The following GPR65 variants were observed in gnomAD, a reference collection of about 807,000 sequenced individuals.
GPR65 encodes the protein G protein-coupled receptor 65.
GPR65 carries 2 observed loss-of-function variants against 0.7 expected under a neutral mutation model. The ratio of observed to expected loss-of-function variants is 2.83; its 90% CI spans 1.16 to 8.92. The LOEUF is 8.92. Ranked by LOEUF, GPR65 falls within the 30% of genes most tolerant of loss-of-function variation. The probability of loss-of-function intolerance (pLI) is 0.04; values close to 1 mark genes in which losing one functional copy is unlikely to be tolerated. For missense variants in GPR65, 379 were observed against 399.4 expected (o/e 0.95, Z 0.43); for synonymous variants, 128 against 146.5 (o/e 0.87, Z 0.91).
chr14:88,011,499 A>G lies in GPR65; in HGVS notation c.652A>G (p.Asn218Asp). 3 of 1,614,130 alleles carry G rather than the reference A, an allele frequency of 1.9e-6. No individual in the cohort carries two copies. Among genetic ancestry groups the G allele is most frequent in the Admixed American group, 3.3e-5 (2 of 59,996 alleles). Residue 218 changes from asparagine to aspartate, a missense_variant, in exon 2 of 2, where the codon AAC becomes GAC. Coordinates refer to ENST00000267549, the MANE Select transcript of GPR65 (RefSeq NM_003608.4). ...TGTGCGGCACAATAAAGCCACGGAA[A>G]ACAAGGAAAAGAAGAGAATCATAAA... The part of the protein sequence containing the change: ...QAVRHNKATE[N>D]KEKKRIIKLL...
intron 1 of GPR65, among the ~76,000 whole-genome samples, chr14:88,007,404 A>G (rs1887609643): frequency 1.3e-5 from 2 of 151,534 alleles, no homozygotes; most frequent in South Asian, 2.1e-4. Context: ...CCTTTTCTCC[A>G]TATCTCTTAT....
At position 88,013,563 on chromosome 14, in the gene GPR65, C is replaced by T. The variant is rs1463272749; in HGVS notation, c.*1702C>T. ...ATGTCTTGATAACATGAGGTGCCCTCACATTAAAAAACAAAATATTGAGCC... is the reference window on the plus strand; with the variant it reads ...ATGTCTTGATAACATGAGGTGCCCTTACATTAAAAAACAAAATATTGAGCC... On this transcript the variant is annotated 3_prime_UTR_variant, in exon 2 of 2. Coordinates refer to ENST00000267549, the MANE Select transcript of GPR65 (RefSeq NM_003608.4). The T allele has an allele frequency of 6.6e-6, 1 of 152,120 alleles. No individual in the cohort carries two copies. Among genetic ancestry groups the T allele is most frequent in the Non-Finnish European group, 1.5e-5 (1 of 68,054 alleles). The allele number at this position is 152,120 out of a possible 1,614,324, so 9.4% of individuals were successfully genotyped here. A position where few individuals can be genotyped will look rare whatever the true frequency, so the allele number is the denominator to read the frequency against.
rs764814556 is a variant in GPR65, at chr14:88,011,588, G to T, written c.741G>T (p.Leu247=). The T allele has an allele frequency of 1.2e-6, 2 of 1,614,062 alleles. No individual in the cohort carries two copies. The highest frequency in any genetic ancestry group is 1.7e-6 in the Non-Finnish European group (2 of 1,179,978). ...LCFTPFHVML[L]IRCILEHAVN... is the part of the protein sequence containing the mutation. ...TTACTCCCTTTCATGTGATGTTGCT[G>T]ATTCGCTGCATTTTAGAGCATGCTG... is the stretch of plus-strand genomic sequence containing the variant. The change falls in exon 2 of 2, where the codon CTG becomes CTT. Residue 247 remains leucine, a synonymous_variant. Coordinates refer to ENST00000267549, the MANE Select transcript of GPR65 (RefSeq NM_003608.4).
At chr14:88,006,545 A>G (rs1252495712) in intron 1 of GPR65, among the ~76,000 whole-genome samples, 1 of 152,242 alleles carries the variant, frequency 6.6e-6, no homozygotes, top group Non-Finnish European at 1.5e-5. Context: ...ATGCTTTTAC[A>G]GCTAGAGAAA....
At position 88,010,809 on chromosome 14, in the gene GPR65, T is replaced by G; in HGVS notation, c.-39T>G. 1 of 1,394,318 alleles carries G rather than the reference T, an allele frequency of 7.2e-7. No individual in the cohort carries two copies. The highest frequency in any genetic ancestry group is 2.3e-5 in the East Asian group (1 of 43,442). The allele number at this position is 1,394,318 out of a possible 1,614,324, so 86.4% of individuals were successfully genotyped here. ...AGAGACAAGACTTCTCTGTTTACTTTCTAAGAACTAATATAATTGCTACCT... is the reference window on the plus strand; with the variant it reads ...AGAGACAAGACTTCTCTGTTTACTTGCTAAGAACTAATATAATTGCTACCT... On this transcript the variant is annotated 5_prime_UTR_variant, in exon 2 of 2. Transcript: ENST00000267549.
Position 88,011,133 on chromosome 14 carries a change from A to G in GPR65, c.286A>G (p.Met96Val), listed in dbSNP as rs756852546. 5.0e-6 allele frequency: 8 copies of G among 1,613,870 alleles called. No individual in the cohort carries two copies. The highest frequency in any genetic ancestry group is 2.7e-5 in the African/African-American group (2 of 74,906). The part of the protein sequence containing the change: ...LCKGSAFLMY[M>V]NFYSSTAFLT... Reference sequence around the variant, plus strand: ...CAAAGGGAGTGCTTTTCTCATGTACATGAATTTTTACAGCAGCACAGCATT... The same window carrying G: ...CAAAGGGAGTGCTTTTCTCATGTACGTGAATTTTTACAGCAGCACAGCATT... Residue 96 changes from methionine (M) to valine (V), a missense_variant, in exon 2 of 2, where the codon ATG becomes GTG. By Grantham distance (21) the Met-to-Val change is conservative. Coordinates refer to ENST00000267549, the MANE Select transcript of GPR65 (RefSeq NM_003608.4).
chr14:88,011,453 C>T lies in GPR65; in HGVS notation c.606C>T (p.Cys202=), dbSNP rs1055468. 90 of 1,613,972 alleles carry T rather than the reference C, an allele frequency of 5.6e-5. No homozygotes were observed. The highest frequency in any genetic ancestry group is 7.5e-5 in the Non-Finnish European group (88 of 1,179,996). The change falls in exon 2 of 2, where the codon TGC becomes TGT. Residue 202 remains cysteine (C), a synonymous_variant. Coordinates refer to ENST00000267549, the MANE Select transcript of GPR65 (RefSeq NM_003608.4). The part of the protein sequence containing the change: ...YAIPLVTILI[C]NRKVYQAVRH... ...TACCTTTGGTCACCATCCTGATCTG[C>T]AACCGGAAAGTCTACCAAGCTGTGC...
chr14:88,006,023 G>A (rs1468910152), intron 1 of GPR65, among the ~76,000 whole-genome samples: 1 of 152,132 alleles, frequency 6.6e-6, no homozygotes, highest in African/African-American at 2.4e-5. Context: ...ATTATATACA[G>A]TATTCCACTA....
chr14:88,011,534 C>G lies in GPR65; in HGVS notation c.687C>G (p.Val229=). 1 of 1,613,646 alleles carries G rather than the reference C, an allele frequency of 6.2e-7. No individual in the cohort carries two copies. Among genetic ancestry groups the G allele is most frequent in the Non-Finnish European group, 8.5e-7 (1 of 1,179,610 alleles). Residue 229 remains valine (V), a synonymous_variant, in exon 2 of 2, where the codon GTC becomes GTG. Transcript: ENST00000267549. ...KEKKRIIKLL[V]SITVTFVLCF... ...AGAAGAGAATCATAAAACTACTTGT[C>G]AGCATCACAGTTACTTTTGTCTTAT...
In GPR65 at chr14:88,011,548, C is replaced by T; in HGVS notation, c.701C>T (p.Thr234Ile). ...IIKLLVSITVTFVLCFTPFHV... is the reference protein window; with the variant it reads ...IIKLLVSITVIFVLCFTPFHV... ...AAACTACTTGTCAGCATCACAGTTACTTTTGTCTTATGCTTTACTCCCTTT... is the reference window on the plus strand; with the variant it reads ...AAACTACTTGTCAGCATCACAGTTATTTTTGTCTTATGCTTTACTCCCTTT... The change falls in exon 2 of 2, where the codon ACT becomes ATT. Residue 234 changes from threonine to isoleucine, a missense_variant. Coordinates refer to ENST00000267549, the MANE Select transcript of GPR65 (RefSeq NM_003608.4). 1 of 1,613,934 alleles carries T rather than the reference C, an allele frequency of 6.2e-7. No individual in the cohort carries two copies. The highest frequency in any genetic ancestry group is 8.5e-7 in the Non-Finnish European group (1 of 1,179,844).
rs78515447 is a variant in GPR65 at position 88,010,111 on chromosome 14, G to T, written c.-459-278G>T. Among the ~76,000 whole-genome samples, 1,223 of 152,268 alleles carry T rather than the reference G, an allele frequency of 8.0e-3. 41 individuals carry two copies. The highest frequency in any genetic ancestry group is 0.053 in the Admixed American group (808 of 15,284). Reference sequence around the variant, plus strand: ...CTGCTGAAATGACTTTTTAAATTGAGTTTTGTGTTCTTGGGTTATATCCAT... The same window carrying T: ...CTGCTGAAATGACTTTTTAAATTGATTTTTGTGTTCTTGGGTTATATCCAT... On this transcript the variant is annotated intron_variant, in intron 1 of 1. Transcript: ENST00000267549.
intron 1 of GPR65, among the ~76,000 whole-genome samples, chr14:88,008,543 C>T (rs1887630440): frequency 6.6e-6 from 1 of 152,048 alleles, no homozygotes; most frequent in African/African-American, 2.4e-5. Flanking sequence ...ATTTACTCAT[C>T]TATTATACTG....
chr14:88,005,855 T>C (rs564401226), intron 1 of GPR65, among the ~76,000 whole-genome samples: 3 of 152,348 alleles, frequency 2.0e-5, no homozygotes, highest in Admixed American at 1.3e-4. Context: ...AGATATACTT[T>C]AATATACTGT....
chr14:88,009,395 C>A (rs1282986642), intron 1 of GPR65, among the ~76,000 whole-genome samples: 1 of 152,022 alleles, frequency 6.6e-6, no homozygotes, highest in Non-Finnish European at 1.5e-5. Context: ...GTTTTAGTTA[C>A]CTGTTTAAGA....
rs374310037 is a variant in GPR65, at chr14:88,011,503, A to G, written c.656A>G (p.Lys219Arg). 3.1e-6 allele frequency: 5 copies of G among 1,613,994 alleles called. No homozygotes were observed. In the African/African-American group the frequency reaches 5.3e-5, roughly 17 times the overall value. The part of the protein sequence containing the change: ...AVRHNKATEN[K>R]EKKRIIKLLV... ...CGGCACAATAAAGCCACGGAAAACA[A>G]GGAAAAGAAGAGAATCATAAAACTA... is the stretch of plus-strand genomic sequence containing the variant. The change falls in exon 2 of 2, where the codon AAG becomes AGG. Residue 219 changes from lysine (K) to arginine (R), a missense_variant. Transcript: ENST00000267549.
In GPR65 at chr14:88,012,361, AT is replaced by A. The variant is rs1477075155; in HGVS notation, c.*503del. ...AAAATAACTGCTTTATTGACACAAAATTTACATAACTTAAAATTCAACTTTG... is the reference window on the plus strand; with the variant it reads ...AAAATAACTGCTTTATTGACACAAAATTACATAACTTAAAATTCAACTTTG... On this transcript the variant is annotated 3_prime_UTR_variant, in exon 2 of 2. Coordinates refer to ENST00000267549, the MANE Select transcript of GPR65 (RefSeq NM_003608.4). 3 of 152,556 alleles carry A rather than the reference AT, an allele frequency of 2.0e-5. No homozygotes were observed. Among genetic ancestry groups the A allele is most frequent in the African/African-American group, 7.2e-5 (3 of 41,446 alleles). The allele number at this position is 152,556 out of a possible 1,614,324, so 9.5% of individuals were successfully genotyped here.
Position 88,011,736 on chromosome 14 carries a change from G to A in GPR65, c.889G>A (p.Gly297Arg), listed in dbSNP as rs1218693316. ...PILYCFVTETGRYDMWNILKF... is the reference protein window; with the variant it reads ...PILYCFVTETRRYDMWNILKF... ...TCTGTACTGTTTTGTAACCGAAACA[G>A]GAAGATATGATATGTGGAATATATT... The change falls in exon 2 of 2, where the codon GGA becomes AGA. Residue 297 changes from glycine (G) to arginine (R), a missense_variant. Transcript: ENST00000267549. The A allele has an allele frequency of 4.3e-6, 7 of 1,613,608 alleles. No individual in the cohort carries two copies. Among genetic ancestry groups the A allele is most frequent in the Non-Finnish European group, 5.9e-6 (7 of 1,179,622 alleles).
chr14:88,008,038 T>G (rs1887621366), intron 1 of GPR65, among the ~76,000 whole-genome samples: 1 of 152,194 alleles, frequency 6.6e-6, no homozygotes, highest in South Asian at 2.1e-4. Context: ...TGTATGAGGA[T>G]AGAAATAAGA....
intron 1 of GPR65, among the ~76,000 whole-genome samples, chr14:88,008,464 C>T (rs143735152): frequency 1.2e-4 from 18 of 152,056 alleles, no homozygotes; most frequent in Non-Finnish European, 2.2e-4. Context: ...TTCAACCATG[C>T]GATTGCATGT....
Sources: allele counts gnomAD v4.1 joint callset (sites outside exome capture counted in the v4.1 genomes callset), GRCh38; gene constraint gnomAD v4.1.1; transcripts MANE v1.5; gene names NCBI Gene and HGNC (gene_info 2026-07-23, HGNC 2026-07-21).